Variants in DLG2 observed in about 807,000 individuals in gnomAD.
DLG2 encodes the protein discs large MAGUK scaffold protein 2, also known as disks large homolog 2.
A neutral mutation model predicts 132.5 loss-of-function variants in DLG2; 45 were observed. That is an observed-to-expected ratio of 0.34 (90% CI 0.27 to 0.44). The LOEUF (loss-of-function observed/expected upper bound fraction) is 0.44, where lower values mean the gene tolerates loss of function less well. DLG2 is among the 20% of genes least tolerant of loss of function. The pLI is 1.00. For synonymous variants in DLG2, 424 were observed against 419.6 expected (o/e 1.01, Z -0.13); for missense variants, 1,045 against 1,196.9 (o/e 0.87, Z 1.87).
At chr11:84,554,341 G>A (rs1021744390) in intron 6 of DLG2, among the ~76,000 whole-genome samples, 2 of 152,158 alleles carry the variant, frequency 1.3e-5, no homozygotes, top group African/African-American at 4.8e-5. Flanking sequence ...ACGACTACCA[G>A]TTTTATTAGG....
At position 84,206,094 on chromosome 11, in the gene DLG2, A is replaced by C. The variant is rs543267174; in HGVS notation, c.574-42583T>G. Among the ~76,000 whole-genome samples, 2 of 152,176 alleles carry C rather than the reference A, an allele frequency of 1.3e-5. 1 individual carries two copies. Among genetic ancestry groups the C allele is most frequent in the African/African-American group, 4.8e-5 (2 of 41,550 alleles). On this transcript the variant is annotated intron_variant, in intron 8 of 27. Transcript: ENST00000376104. ...TCTGCAGCTTAGATGAAATACTGTA[A>C]TATTTCATCTAAGTTGCAGTTTCTT...
At chr11:85,583,124 GTGTGTGTATA>G (rs1223962718) in intron 3 of DLG2, among the ~76,000 whole-genome samples, 39 of 41,058 alleles carry the variant, frequency 9.5e-4, no homozygotes, top group African/African-American at 2.1e-3. Flanking sequence ...GTGTGTGTGT[GTGTGTGTATA>G]TATATATATA....
At chr11:84,301,379 C>T (rs921952245) in intron 7 of DLG2, among the ~76,000 whole-genome samples, 1 of 152,034 alleles carries the variant, frequency 6.6e-6, no homozygotes, top group African/African-American at 2.4e-5. Flanking sequence ...AGGAAACAGG[C>T]CAGTGCGGTG....
At chr11:84,163,077 A>G (rs924172620) in intron 9 of DLG2, among the ~76,000 whole-genome samples, 6 of 152,200 alleles carry the variant, frequency 3.9e-5, no homozygotes, top group Admixed American at 3.3e-4. Flanking sequence ...AGTAAGAAAC[A>G]CATGGTAACT....
At chr11:85,427,549 C>T (rs937971925) in intron 3 of DLG2, among the ~76,000 whole-genome samples, 5 of 152,076 alleles carry the variant, frequency 3.3e-5, no homozygotes, top group Admixed American at 6.6e-5. Flanking sequence ...GAAGGAGAAA[C>T]AAAATCCTTT....
intron 15 of DLG2, among the ~76,000 whole-genome samples, chr11:83,874,738 T>G (rs10501550): frequency 0.074 from 11,303 of 152,124 alleles, 550 homozygotes; most frequent in African/African-American, 0.13. Flanking sequence ...TCGGTCCTAT[T>G]GTCAATAACC....
chr11:85,606,231 TTGAA>T (rs1265602182), intron 2 of DLG2, among the ~76,000 whole-genome samples: 1 of 152,210 alleles, frequency 6.6e-6, no homozygotes, highest in Non-Finnish European at 1.5e-5. Context: ...ATATACAAAA[TTGAA>T]TGATCACAAT....
chr11:85,203,478 C>G (rs2081618049), intron 4 of DLG2, among the ~76,000 whole-genome samples: 1 of 152,058 alleles, frequency 6.6e-6, no homozygotes, highest in South Asian at 2.1e-4. Flanking sequence ...ACATATACAA[C>G]TTACCACAAG....
intron 6 of DLG2, among the ~76,000 whole-genome samples, chr11:84,622,615 A>C (rs1261326898): frequency 6.6e-6 from 1 of 152,186 alleles, no homozygotes; most frequent in Non-Finnish European, 1.5e-5. Context: ...ATTGCCAGGG[A>C]GACTTCATAG....
chr11:84,040,037 C>A (rs1027746890), intron 11 of DLG2, among the ~76,000 whole-genome samples: 6 of 151,628 alleles, frequency 4.0e-5, no homozygotes, highest in African/African-American at 1.5e-4. Context: ...AGTGTCTGTT[C>A]ATGTCCTTCG....
intron 10 of DLG2, among the ~76,000 whole-genome samples, chr11:84,065,289 A>G (rs1362148295): frequency 1.3e-5 from 2 of 152,234 alleles, no homozygotes; most frequent in African/African-American, 4.8e-5. Flanking sequence ...GACAACCTAC[A>G]GAATGGAAGA....
intron 5 of DLG2, among the ~76,000 whole-genome samples, chr11:85,134,477 C>G (rs916308690): frequency 1.5e-5 from 2 of 133,810 alleles, no homozygotes; most frequent in African/African-American, 2.8e-5. Context: ...TGCAGTGAGC[C>G]GAGATCCCGC....
chr11:85,044,884 T>C (rs1239278038), intron 6 of DLG2, among the ~76,000 whole-genome samples: 1 of 152,074 alleles, frequency 6.6e-6, no homozygotes, highest in Non-Finnish European at 1.5e-5. Flanking sequence ...TAAAAATAGA[T>C]GAAGCTTAAG....
intron 7 of DLG2, among the ~76,000 whole-genome samples, chr11:84,265,759 AT>A (rs1168896894): frequency 9.9e-5 from 15 of 152,080 alleles, no homozygotes; most frequent in Admixed American, 4.6e-4. Flanking sequence ...CATTGGTGTA[AT>A]TTTTTCAACT....
intron 3 of DLG2, among the ~76,000 whole-genome samples, chr11:85,551,784 T>C (rs1454904392): frequency 6.6e-6 from 1 of 152,070 alleles, no homozygotes; most frequent in African/African-American, 2.4e-5. Flanking sequence ...GAGTAGCTGA[T>C]GTTATCCCAC....
intron 8 of DLG2, among the ~76,000 whole-genome samples, chr11:84,173,354 A>T (rs2095866492): frequency 6.6e-6 from 1 of 152,194 alleles, no homozygotes; most frequent in Non-Finnish European, 1.5e-5. Context: ...GAGAACAGTA[A>T]ATGGTGTTAA....
intron 7 of DLG2, among the ~76,000 whole-genome samples, chr11:84,503,885 T>G (rs969528918): frequency 3.3e-5 from 5 of 152,296 alleles, no homozygotes; most frequent in Admixed American, 6.5e-5. Context: ...TTCTCAATGT[T>G]TATTCCTTCT....
At chr11:85,426,915 T>C (rs1018449153) in intron 3 of DLG2, among the ~76,000 whole-genome samples, 22 of 151,764 alleles carry the variant, frequency 1.4e-4, no homozygotes, top group Non-Finnish European at 3.1e-4. Flanking sequence ...GAATAACCAA[T>C]GCAGAGAAGT....
At chr11:85,131,221 C>T (rs896644046) in intron 5 of DLG2, among the ~76,000 whole-genome samples, 1 of 152,018 alleles carries the variant, frequency 6.6e-6, no homozygotes, top group Non-Finnish European at 1.5e-5. Context: ...ATTGAAGGCA[C>T]TTGGATTTCG....
Sources: gnomAD v4.1 joint callset for allele counts (sites outside exome capture counted in the v4.1 genomes callset) on GRCh38, gnomAD v4.1.1 for gene constraint, MANE v1.5 for transcripts, NCBI Gene and HGNC (gene_info 2026-07-23, HGNC 2026-07-21) for gene names.